Variants in LRRC4C observed in about 807,000 individuals in gnomAD.
The protein encoded by LRRC4C is leucine-rich repeat-containing protein 4C.
Under a neutral mutation model 33.6 loss-of-function variants are expected in LRRC4C, and 5 were observed. That is an observed-to-expected ratio of 0.15 (90% CI 0.08 to 0.31). LRRC4C has a LOEUF of 0.31. Among genes scored for constraint, LRRC4C ranks in the 10% least tolerant of loss-of-function variants. LRRC4C has a pLI of 1.00. For missense variants in LRRC4C, 560 were observed against 796.7 expected (o/e 0.70, Z 3.58); for synonymous variants, 329 against 302.0 (o/e 1.09, Z -0.93).
At chr11:40,695,327 T>C (rs1290216738) in intron 2 of LRRC4C, among the ~76,000 whole-genome samples, 2 of 152,192 alleles carry the variant, frequency 1.3e-5, no homozygotes, top group Admixed American at 6.5e-5. Context: ...CATATTTGTG[T>C]ATTTTTATTT....
chr11:41,153,037 T>G (rs776439536), intron 1 of LRRC4C, among the ~76,000 whole-genome samples: 1 of 152,200 alleles, frequency 6.6e-6, no homozygotes, highest in Non-Finnish European at 1.5e-5. Context: ...CAACTCCATC[T>G]CATACTCTTA....
At chr11:40,652,390 A>G (rs961635149) in intron 2 of LRRC4C, among the ~76,000 whole-genome samples, 1 of 152,234 alleles carries the variant, frequency 6.6e-6, no homozygotes, top group Admixed American at 6.5e-5. Context: ...AACTAAATTC[A>G]GGAAGGAAAT....
At chr11:40,972,269 T>TTGTA (rs1489446945) in intron 1 of LRRC4C, among the ~76,000 whole-genome samples, 1 of 151,998 alleles carries the variant, frequency 6.6e-6, no homozygotes, top group African/African-American at 2.4e-5. Context: ...CTTCAGTAGC[T>TTGTA]GGGATTACAA....
chr11:40,200,180 T>TAAAAAAAAAAAAAAAAA (rs56269292), intron 5 of LRRC4C, among the ~76,000 whole-genome samples: 5 of 26,046 alleles, frequency 1.9e-4, no homozygotes, highest in Admixed American at 7.2e-4. Flanking sequence ...CTGTCTCCAC[T>TAAAAAAAAAAAAAAAAA]AAAAAAAAAA....
intron 2 of LRRC4C, among the ~76,000 whole-genome samples, chr11:40,709,852 C>T (rs1357740468): frequency 1.3e-5 from 2 of 152,172 alleles, no homozygotes; most frequent in African/African-American, 4.8e-5. Context: ...GGTCGTTTCA[C>T]ATAGTCCCAT....
intron 2 of LRRC4C, among the ~76,000 whole-genome samples, chr11:40,765,278 A>C (rs949445075): frequency 6.6e-6 from 1 of 152,112 alleles, no homozygotes; most frequent in African/African-American, 2.4e-5. Flanking sequence ...GTGATTGTTC[A>C]AAAGTGTGTA....
intron 3 of LRRC4C, among the ~76,000 whole-genome samples, chr11:40,395,347 TC>T (rs1374925752): frequency 1.3e-5 from 2 of 152,126 alleles, no homozygotes; most frequent in Non-Finnish European, 2.9e-5. Flanking sequence ...GCTCAGCCAC[TC>T]ATTTATTTTT....
intron 2 of LRRC4C, among the ~76,000 whole-genome samples, chr11:40,821,495 G>C (rs999957372): frequency 6.6e-6 from 1 of 151,344 alleles, no homozygotes; most frequent in African/African-American, 2.4e-5. Flanking sequence ...ATCCTTACAG[G>C]TGTAGTCAAT....
chr11:40,395,195 T>G (rs1949492299), intron 3 of LRRC4C, among the ~76,000 whole-genome samples: 1 of 152,128 alleles, frequency 6.6e-6, no homozygotes, highest in South Asian at 2.1e-4. Context: ...TAAATTTAAT[T>G]CAAATACTAC....
At chr11:40,438,895 CA>C (rs1475312906) in intron 3 of LRRC4C, among the ~76,000 whole-genome samples, 2 of 145,116 alleles carry the variant, frequency 1.4e-5, no homozygotes, top group African/African-American at 2.5e-5. Context: ...ACTAGTTTTT[CA>C]AATCTACAGG....
chr11:40,265,072 C>G (rs1372654591), intron 4 of LRRC4C, among the ~76,000 whole-genome samples: 4 of 152,160 alleles, frequency 2.6e-5, no homozygotes, highest in African/African-American at 9.7e-5. Flanking sequence ...TTGAATAAAG[C>G]CTTCCCTTCT....
chr11:40,628,105 T>C (rs1481227306), intron 3 of LRRC4C, among the ~76,000 whole-genome samples: 2 of 152,190 alleles, frequency 1.3e-5, no homozygotes, highest in Non-Finnish European at 2.9e-5. Context: ...GAACGACTAG[T>C]TTTATTATAA....
chr11:40,352,266 T>C (rs1947446285), intron 3 of LRRC4C, among the ~76,000 whole-genome samples: 1 of 151,868 alleles, frequency 6.6e-6, no homozygotes, highest in Non-Finnish European at 1.5e-5. Flanking sequence ...TGTAGGTTTT[T>C]TAAATTTGAT....
intron 3 of LRRC4C, among the ~76,000 whole-genome samples, chr11:40,324,097 T>G (rs1378607298): frequency 6.6e-6 from 1 of 152,198 alleles, no homozygotes; most frequent in Non-Finnish European, 1.5e-5. Context: ...GTTTAGTGTG[T>G]AGGTACACAT....
chr11:40,994,349 GGAGA>G (rs778597539), intron 1 of LRRC4C, among the ~76,000 whole-genome samples: 7 of 152,190 alleles, frequency 4.6e-5, no homozygotes, highest in Non-Finnish European at 1.0e-4. Context: ...TTCCCCTGAC[GGAGA>G]GTTGGCAATA....
At chr11:40,256,639 A>G (rs1867228037) in intron 4 of LRRC4C, among the ~76,000 whole-genome samples, 1 of 152,166 alleles carries the variant, frequency 6.6e-6, no homozygotes, top group Non-Finnish European at 1.5e-5. Flanking sequence ...ATATAACCAC[A>G]TCTCCTGAAT....
At chr11:40,326,422 C>T (rs925233496) in intron 3 of LRRC4C, among the ~76,000 whole-genome samples, 7 of 151,886 alleles carry the variant, frequency 4.6e-5, no homozygotes, top group African/African-American at 1.7e-4. Context: ...ATTAGCTGGG[C>T]ATGGTGGCAG....
At position 40,559,246 on chromosome 11, in the gene LRRC4C, C is replaced by T. The variant is rs75507258; in HGVS notation, c.-270+88896G>A. 4.4e-3 allele frequency among the ~76,000 whole-genome samples: 649 copies of T among 147,100 alleles called. 6 individuals carry two copies. Among genetic ancestry groups the T allele is most frequent in the African/African-American group, 0.016 (626 of 39,886 alleles). The stretch of plus-strand genomic sequence containing the variant: ...GCCACCCAGGTTGGAGTGCAGTGTG[C>T]ATCTCAGCTCACTGCAACCCCTGCC... On this transcript the variant is annotated intron_variant, in intron 3 of 6. Transcript: ENST00000528697.
At chr11:41,216,261 G>T (rs1947056880) in intron 1 of LRRC4C, among the ~76,000 whole-genome samples, 1 of 152,086 alleles carries the variant, frequency 6.6e-6, no homozygotes, top group Admixed American at 6.6e-5. Flanking sequence ...AGGGAATTTA[G>T]GACACAGACA....
Sources: allele counts gnomAD v4.1 joint callset (sites outside exome capture counted in the v4.1 genomes callset), GRCh38; gene constraint gnomAD v4.1.1; transcripts MANE v1.5; gene names NCBI Gene and HGNC (gene_info 2026-07-23, HGNC 2026-07-21).